Variants in PCNX1 observed in about 807,000 individuals in gnomAD.
The protein encoded by PCNX1 is pecanex-like protein 1.
A neutral mutation model predicts 242.2 loss-of-function variants in PCNX1; 78 were observed. The ratio of observed to expected loss-of-function variants is 0.32; its 90% confidence interval spans 0.27 to 0.39. The LOEUF (loss-of-function observed/expected upper bound fraction) is 0.39, where lower values mean the gene tolerates loss of function less well. Ranked by LOEUF, PCNX1 falls within the 10% of genes least tolerant of loss-of-function variation. PCNX1 has a pLI of 1.00. For missense variants in PCNX1, 2,581 were observed against 2,856.5 expected (o/e 0.90, Z 2.20); for synonymous variants, 1,024 against 1,032.9 (o/e 0.99, Z 0.17).
intron 26 of PCNX1, among the ~76,000 whole-genome samples, chr14:71,070,241 C>T (rs1220266447): frequency 1.3e-5 from 2 of 152,208 alleles, no homozygotes; most frequent in Non-Finnish European, 1.5e-5. Context: ...GCAATTACTT[C>T]CACCACTGAA....
At chr14:70,998,531 A>G (rs1412612382) in intron 8 of PCNX1, among the ~76,000 whole-genome samples, 2 of 152,078 alleles carry the variant, frequency 1.3e-5, no homozygotes, top group South Asian at 2.1e-4. Flanking sequence ...CGGGCAGATC[A>G]CTTGAGGTCA....
At chr14:70,945,677 T>C (rs1246021486) in intron 1 of PCNX1, among the ~76,000 whole-genome samples, 2 of 152,104 alleles carry the variant, frequency 1.3e-5, no homozygotes, top group Non-Finnish European at 2.9e-5. Flanking sequence ...GGTTAACTTT[T>C]TTTTTTTTGA....
chr14:71,047,254 C>T (rs1409097030), intron 21 of PCNX1, 149 bp downstream of exon 21: 2 of 462,316 alleles, frequency 4.3e-6, no homozygotes, highest in Non-Finnish European at 7.4e-6. Context: ...CCTTGACTTA[C>T]CTTTTTTAAA....
rs755813801 is a variant in PCNX1 at position 71,012,941 on chromosome 14, A to G, written c.2779-44A>G. On this transcript the variant is annotated intron_variant, in intron 10 of 35. Transcript: ENST00000304743. The stretch of plus-strand genomic sequence containing the variant: ...TATTTTGAATAAACATATTAAATAA[A>G]TATTGAAGATATTTTAAGCCTTTCA... The G allele has an allele frequency of 6.0e-6, 7 of 1,167,052 alleles. No homozygotes were observed. In the South Asian group the frequency reaches 8.6e-5, roughly 14 times the overall value. The allele number at this position is 1,167,052 out of a possible 1,614,324, so 72.3% of individuals were successfully genotyped here. A position where few individuals can be genotyped will look rare whatever the true frequency, so the allele number is the denominator to read the frequency against.
intron 28 of PCNX1, among the ~76,000 whole-genome samples, chr14:71,077,687 C>T (rs2061752764): frequency 6.6e-6 from 1 of 152,050 alleles, no homozygotes; most frequent in South Asian, 2.1e-4. Context: ...TTCAGAAGAC[C>T]AGCAGACAGT....
In PCNX1 at chr14:70,907,733, C is replaced by T. The variant is rs1469268222; in HGVS notation, c.-118C>T. On this transcript the variant is annotated 5_prime_UTR_variant, in exon 1 of 36. Transcript: ENST00000304743. ...ACCGCCGAAGCGCCGGCTCGCTCAC[C>T]CGGAGCTCCGGAGGTGGATAGACGG... 3.9e-5 allele frequency: 45 copies of T among 1,144,470 alleles called. No individual in the cohort carries two copies. The highest frequency in any genetic ancestry group is 3.5e-4 in the Middle Eastern group (1 of 2,862). The allele number at this position is 1,144,470 out of a possible 1,614,324, so 70.9% of individuals were successfully genotyped here.
chr14:71,006,147 G>C (rs1316720044), intron 8 of PCNX1, among the ~76,000 whole-genome samples: 2 of 116,198 alleles, frequency 1.7e-5, no homozygotes, highest in East Asian at 2.3e-4. Flanking sequence ...GTGTGTGTGT[G>C]TGTGTGTGTG....
chr14:71,029,667 C>G (rs1225514095), intron 16 of PCNX1, among the ~76,000 whole-genome samples: 2 of 152,050 alleles, frequency 1.3e-5, no homozygotes, highest in Non-Finnish European at 2.9e-5. Context: ...GGTGATATAA[C>G]CAGATTTTGA....
In PCNX1 at chr14:70,917,724, A is replaced by G. The variant is rs1030918198; in HGVS notation, c.153+9721A>G. 2.0e-5 allele frequency among the ~76,000 whole-genome samples: 3 copies of G among 152,202 alleles called. 1 individual carries two copies. Among genetic ancestry groups the G allele is most frequent in the African/African-American group, 7.2e-5 (3 of 41,458 alleles). On this transcript the variant is annotated intron_variant, in intron 1 of 35. Coordinates refer to ENST00000304743, the MANE Select transcript of PCNX1 (RefSeq NM_014982.3). ...CCAATGAGCATTGACTTTAACTTAC[A>G]GTCACCAGTTGCATTAGACACTAGC...
intron 32 of PCNX1, among the ~76,000 whole-genome samples, chr14:71,104,825 G>A (rs1194964929): frequency 1.3e-5 from 2 of 152,166 alleles, no homozygotes; most frequent in Non-Finnish European, 2.9e-5. Flanking sequence ...TACTCAGGAG[G>A]CTGAGGCAGG....
At chr14:70,954,852 C>T (rs1371609629) in intron 2 of PCNX1, among the ~76,000 whole-genome samples, 1 of 152,120 alleles carries the variant, frequency 6.6e-6, no homozygotes, top group East Asian at 1.9e-4. Flanking sequence ...TTAAGTTTCA[C>T]TAGTAAGTAA....
At chr14:71,039,236 TA>T (rs909198254) in intron 19 of PCNX1, among the ~76,000 whole-genome samples, 1 of 151,638 alleles carries the variant, frequency 6.6e-6, no homozygotes, top group African/African-American at 2.4e-5. Context: ...AAAAAAAAAT[TA>T]AAAAAACAAA....
chr14:70,938,764 T>C (rs1445246309), intron 1 of PCNX1, among the ~76,000 whole-genome samples: 2 of 152,184 alleles, frequency 1.3e-5, no homozygotes. Flanking sequence ...GGTCCTGGAC[T>C]TTTTTTGGTT....
chr14:71,083,356 C>G (rs1010000181), intron 28 of PCNX1, among the ~76,000 whole-genome samples: 1 of 152,038 alleles, frequency 6.6e-6, no homozygotes, highest in African/African-American at 2.4e-5. Flanking sequence ...TAAGGAGTAC[C>G]TTTGTGGTGT....
intron 7 of PCNX1, 87 bp downstream of exon 7, chr14:70,988,786 A>T: frequency 6.9e-7 from 1 of 1,447,708 alleles, no homozygotes; most frequent in Non-Finnish European, 9.4e-7. Context: ...GCATTTGAAG[A>T]GCTTTGTTTT....
chr14:71,067,070 C>CT lies in PCNX1; in HGVS notation c.4853-6463dup, dbSNP rs376284780. On this transcript the variant is annotated intron_variant, in intron 26 of 35. Coordinates refer to ENST00000304743, the MANE Select transcript of PCNX1 (RefSeq NM_014982.3). ...ATCAGGTATATTGGCCTGAAATTTT[C>CT]TTTTTTTTTTTTAATGTCTCTGCCA... Among the ~76,000 whole-genome samples, 913 of 140,416 alleles carry CT rather than the reference C, an allele frequency of 6.5e-3. 4 individuals carry two copies. The highest frequency in any genetic ancestry group is 0.02 in the African/African-American group (768 of 38,484). The allele number at this position is 140,416 out of a possible 152,430, so 92.1% of individuals were successfully genotyped here. A position where few individuals can be genotyped will look rare whatever the true frequency, so the allele number is the denominator to read the frequency against.
intron 2 of PCNX1, among the ~76,000 whole-genome samples, chr14:70,948,833 TAAATAA>T (rs1566606536): frequency 6.8e-6 from 1 of 146,340 alleles, no homozygotes; most frequent in African/African-American, 2.6e-5. Flanking sequence ...TTTACTCGTA[TAAATAA>T]AATGTATGTG....
Position 71,056,674 on chromosome 14 carries a change from C to T in PCNX1, c.4637-835C>T, listed in dbSNP as rs370231203. Among the ~76,000 whole-genome samples, 47 of 151,560 alleles carry T rather than the reference C, an allele frequency of 3.1e-4. No individual in the cohort carries two copies. In the South Asian group the frequency reaches 9.6e-3, roughly 31 times the overall value. On this transcript the variant is annotated intron_variant, in intron 25 of 35. Transcript: ENST00000304743. ...AAGTGATGTTTATTTTAATGTTTTT[C>T]TTTCTTTTTCTTTTTTTTTTTGGAG...
At position 71,076,409 on chromosome 14, in the gene PCNX1, G is replaced by A. The variant is rs1431230339; in HGVS notation, c.5327G>A (p.Arg1776Gln). ...AACTGGATAGAGTACTGCTCTTCCCGAAGAGCAAAGGTAGAGTTTATTTCA... is the reference window on the plus strand; with the variant it reads ...AACTGGATAGAGTACTGCTCTTCCCAAAGAGCAAAGGTAGAGTTTATTTCA... ...YLNWIEYCSS[R>Q]RAKPVDVDKD... The change falls in exon 28 of 36, where the codon CGA becomes CAA. Residue 1776 changes from arginine (R) to glutamine (Q), a missense_variant. This residue lies in a region of PCNX1 where 298 missense variants were observed against 480.1 expected (regional missense o/e 0.62). Transcript: ENST00000304743. The A allele has an allele frequency of 1.0e-5, 16 of 1,590,732 alleles. No homozygotes were observed. Among genetic ancestry groups the A allele is most frequent in the Middle Eastern group, 1.7e-4 (1 of 6,030 alleles).
Sources: allele counts gnomAD v4.1 joint callset (sites outside exome capture counted in the v4.1 genomes callset), GRCh38; gene constraint gnomAD v4.1.1; regional missense constraint gnomAD v4.1.1; transcripts MANE v1.5; gene names NCBI Gene and HGNC (gene_info 2026-07-23, HGNC 2026-07-21).